COG5: variants seen among roughly 807,000 people sequenced by gnomAD.
The protein encoded by COG5 is component of oligomeric golgi complex 5.
A neutral mutation model predicts 110.4 loss-of-function variants in COG5; 86 were observed. That is an observed-to-expected ratio of 0.78 (90% confidence interval 0.65 to 0.93). The LOEUF (loss-of-function observed/expected upper bound fraction) is 0.93. Among genes scored for constraint, COG5 ranks in the 40% least tolerant of loss-of-function variants. The pLI is 0.00. For missense variants in COG5, 1,077 were observed against 987.0 expected, an observed-to-expected ratio of 1.09 and a Z score of -1.22; for synonymous variants, 360 against 334.6, an observed-to-expected ratio of 1.08 and a Z score of -0.83.
chr7:107,413,483 T>C (rs1296800166), intron 6 of COG5, among the ~76,000 whole-genome samples: 1 of 151,818 alleles, frequency 6.6e-6, no homozygotes, highest in Non-Finnish European at 1.5e-5. Context: ...TTACTAATTA[T>C]TCCACAAACC....
intron 11 of COG5, among the ~76,000 whole-genome samples, chr7:107,316,657 CAAAAAAAAA>C (rs760555445): frequency 7.9e-5 from 6 of 75,906 alleles, no homozygotes; most frequent in South Asian, 5.6e-4. Flanking sequence ...ACTAAAAATA[CAAAAAAAAA>C]AAAAAAAAAA....
intron 16 of COG5, among the ~76,000 whole-genome samples, chr7:107,252,884 T>C (rs1802624605): frequency 6.6e-6 from 1 of 152,082 alleles, no homozygotes; most frequent in Non-Finnish European, 1.5e-5. Context: ...AATAGAAAAC[T>C]AAGAATAGAA....
At chr7:107,316,539 C>A (rs535250370) in intron 11 of COG5, among the ~76,000 whole-genome samples, 9 of 151,158 alleles carry the variant, frequency 6.0e-5, no homozygotes, top group African/African-American at 1.9e-4. Context: ...GCAGGCAGGG[C>A]GTGGTGGCTC....
intron 19 of COG5, among the ~76,000 whole-genome samples, chr7:107,216,377 G>T (rs1459807644): frequency 6.6e-6 from 1 of 152,184 alleles, no homozygotes; most frequent in African/African-American, 2.4e-5. Flanking sequence ...CAATGAACTT[G>T]AACTACATTT....
intron 11 of COG5, among the ~76,000 whole-genome samples, chr7:107,312,733 T>C (rs1411264218): frequency 3.3e-5 from 5 of 152,142 alleles, no homozygotes; most frequent in Non-Finnish European, 5.9e-5. Context: ...TCGAATTGCA[T>C]TTTGAGAGTA....
At chr7:107,471,581 C>T (rs556698249) in intron 6 of COG5, 2 of 151,694 alleles carry the variant, frequency 1.3e-5, no homozygotes, top group Non-Finnish European at 2.9e-5. Context: ...CATAAAATAA[C>T]CACAAAAAGA....
intron 6 of COG5, among the ~76,000 whole-genome samples, chr7:107,492,168 AGTGTGTGTGTGTGT>A (rs61526384): frequency 4.9e-5 from 7 of 141,638 alleles, no homozygotes; most frequent in South Asian, 2.4e-4. Flanking sequence ...AACAATGGGT[AGTGTGTGTGTGTGT>A]GTGTGTGTGT....
chr7:107,370,083 T>TTATTTA (rs938188148), intron 8 of COG5, among the ~76,000 whole-genome samples: 1 of 152,098 alleles, frequency 6.6e-6, no homozygotes, highest in Admixed American at 6.5e-5. Flanking sequence ...TAAAATTGTA[T>TTATTTA]TATTTATATT....
intron 11 of COG5, among the ~76,000 whole-genome samples, chr7:107,317,710 G>A (rs1053197035): frequency 6.6e-6 from 1 of 152,192 alleles, no homozygotes; most frequent in East Asian, 1.9e-4. Context: ...CCCCAAACAA[G>A]GTTAAGTTCA....
intron 10 of COG5, among the ~76,000 whole-genome samples, chr7:107,331,228 C>A (rs936550122): frequency 6.6e-6 from 1 of 152,096 alleles, no homozygotes; most frequent in African/African-American, 2.4e-5. Context: ...GTAATCCCAG[C>A]ACTTTGGGAG....
chr7:107,313,786 C>G (rs1808484599), intron 11 of COG5, among the ~76,000 whole-genome samples: 1 of 152,182 alleles, frequency 6.6e-6, no homozygotes, highest in African/African-American at 2.4e-5. Context: ...TCTTGATAAT[C>G]TCTCTACCTT....
chr7:107,401,842 C>G (rs1489983962), intron 7 of COG5, among the ~76,000 whole-genome samples: 2 of 152,074 alleles, frequency 1.3e-5, no homozygotes, highest in Non-Finnish European at 2.9e-5. Flanking sequence ...GAAAACATCC[C>G]AAAACAATTG....
intron 8 of COG5, among the ~76,000 whole-genome samples, chr7:107,371,064 T>A (rs1220154467): frequency 1.3e-5 from 2 of 152,090 alleles, no homozygotes; most frequent in East Asian, 3.8e-4. Flanking sequence ...TTAAACATTA[T>A]ATCAAACTTT....
At chr7:107,208,608 A>G (rs2116165642) in intron 21 of COG5, 2 of 985,418 alleles carry the variant, frequency 2.0e-6, no homozygotes, top group South Asian at 9.4e-5. Flanking sequence ...CAAACTCCTC[A>G]CCCAAATCCA....
intron 6 of COG5, among the ~76,000 whole-genome samples, chr7:107,493,083 T>C (rs1317236200): frequency 6.6e-6 from 1 of 152,138 alleles, no homozygotes; most frequent in Admixed American, 6.6e-5. Context: ...ACAGCAATGC[T>C]GCTATAAAAA....
At chr7:107,350,247 C>G (rs1379233365) in intron 10 of COG5, among the ~76,000 whole-genome samples, 4 of 152,080 alleles carry the variant, frequency 2.6e-5, no homozygotes, top group Non-Finnish European at 4.4e-5. Flanking sequence ...TCTTCATAAC[C>G]TAGTCTTTAT....
chr7:107,296,404 AATATG>A (rs1000797087), intron 12 of COG5, among the ~76,000 whole-genome samples: 3 of 152,052 alleles, frequency 2.0e-5, no homozygotes, highest in Admixed American at 6.6e-5. Flanking sequence ...ACTTTTAAAA[AATATG>A]ATATATCATT....
At chr7:107,267,411 T>C (rs145268790) in intron 14 of COG5, among the ~76,000 whole-genome samples, 8 of 152,216 alleles carry the variant, frequency 5.3e-5, no homozygotes, top group African/African-American at 1.7e-4. Context: ...TATCTACCCA[T>C]GACCTAAACA....
chr7:107,527,271 C>A lies in COG5; in HGVS notation c.504G>T (p.Glu168Asp). The change falls in exon 6 of 22, where the codon GAG becomes GAT. Residue 168 changes from glutamate to aspartate, a missense_variant. Transcript: ENST00000297135. ...TGAGACTCTGAGCAGCTTTTGTTAT[C>A]TCTCTACTTCCCCCTTGCAGTTGTC... The part of the protein sequence containing the change: ...LQGQLQGGSR[E>D]ITKAAQSLNE... The A allele has an allele frequency of 6.2e-7, 1 of 1,606,350 alleles. No individual in the cohort carries two copies. The highest frequency in any genetic ancestry group is 8.5e-7 in the Non-Finnish European group (1 of 1,175,822).
Sources: allele counts gnomAD v4.1 joint callset (sites outside exome capture counted in the v4.1 genomes callset), GRCh38; gene constraint gnomAD v4.1.1; transcripts MANE v1.5; gene names NCBI Gene and HGNC (gene_info 2026-07-23, HGNC 2026-07-21).